Variants in ZNF335 observed in about 807,000 individuals in gnomAD.
The protein encoded by ZNF335 is NRC-interacting factor 1.
ZNF335 carries 84 observed loss-of-function variants against 145.6 expected under a neutral mutation model. The ratio of observed to expected loss-of-function variants is 0.58; its 90% confidence interval spans 0.48 to 0.69. The LOEUF (loss-of-function observed/expected upper bound fraction) is 0.69. Among genes scored for constraint, ZNF335 ranks in the 30% least tolerant of loss-of-function variants. The pLI, the probability that ZNF335 is intolerant of heterozygous loss-of-function variation, is 0.00. For missense variants in ZNF335, 1,865 were observed against 1,809.7 expected (o/e 1.03, Z -0.55); for synonymous variants, 761 against 717.0 (o/e 1.06, Z -0.98).
chr20:45,957,794 GTCCTACCCTCCATGAGC>G, intron 16 of ZNF335, 24 bp downstream of exon 16: 1 of 1,610,274 alleles, frequency 6.2e-7, no homozygotes, highest in East Asian at 2.2e-5. Flanking sequence ...CAACTCAGAG[GTCCTACCCTCCATGAGC>G]TCCTATCCTC....
In ZNF335 at chr20:45,952,645, T is replaced by A; in HGVS notation, c.2767A>T (p.Thr923Ser). 3 of 1,613,812 alleles carry A rather than the reference T, an allele frequency of 1.9e-6. No homozygotes were observed. Among genetic ancestry groups the A allele is most frequent in the East Asian group, 2.2e-5 (1 of 44,844 alleles). Reference protein sequence around the residue: ...VVSDTLKEAGTHYIMATDGTQ... With the variant: ...VVSDTLKEAGSHYIMATDGTQ... ...CCATCAGTAGCCATGATGTAGTGGGTGCCAGCTTCTTTTAGGGTGTCACTC... is the reference window on the plus strand; with the variant it reads ...CCATCAGTAGCCATGATGTAGTGGGAGCCAGCTTCTTTTAGGGTGTCACTC... Residue 923 changes from threonine (T) to serine (S), a missense_variant, in exon 19 of 28, where the codon ACC becomes TCC. Physicochemically the swap from Thr to Ser is moderately conservative, Grantham distance 58. Coordinates refer to ENST00000322927, the MANE Select transcript of ZNF335 (RefSeq NM_022095.4).
rs138395446 is a variant in ZNF335, at chr20:45,961,041, C to T, written c.1647-159G>A. ...CCCAGCTGGAGTTCACTGGGGAAAACGCTAAGGGGCACGCTGTAAATAACA... is the reference window on the plus strand; with the variant it reads ...CCCAGCTGGAGTTCACTGGGGAAAATGCTAAGGGGCACGCTGTAAATAACA... On this transcript the variant is annotated intron_variant, in intron 10 of 27. Coordinates refer to ENST00000322927, the MANE Select transcript of ZNF335 (RefSeq NM_022095.4). 4.1e-3 allele frequency among the ~76,000 whole-genome samples: 631 copies of T among 152,264 alleles called. 7 individuals carry two copies. Among genetic ancestry groups the T allele is most frequent in the African/African-American group, 0.014 (585 of 41,530 alleles).
intron 9 of ZNF335, among the ~76,000 whole-genome samples, 163 bp from the exon 10 acceptor site, chr20:45,962,345 G>T (rs2083859332): frequency 6.6e-6 from 1 of 152,232 alleles, no homozygotes. Context: ...ACCTAGGAAG[G>T]CCCGGGGACT....
chr20:45,959,642 C>T (rs951316453), intron 14 of ZNF335, among the ~76,000 whole-genome samples: 12 of 152,154 alleles, frequency 7.9e-5, no homozygotes, highest in Non-Finnish European at 1.6e-4. Flanking sequence ...CCTTCCTGTG[C>T]CTACCTATTT....
Position 45,967,907 on chromosome 20 carries a change from C to A in ZNF335, c.641G>T (p.Ser214Ile), listed in dbSNP as rs1482803843. 1 of 1,612,398 alleles carries A rather than the reference C, an allele frequency of 6.2e-7. No homozygotes were observed. The highest frequency in any genetic ancestry group is 8.5e-7 in the Non-Finnish European group (1 of 1,179,630). ...STCLEAQGGP[S>I]SPVQLPPASG... ...GGCTGGGGGCAGCTGCACCGGGGAG[C>A]TGGGCCCACCCTGTGCCTCCAGGCA... The change falls in exon 5 of 28, where the codon AGC becomes ATC. Residue 214 changes from serine (S) to isoleucine (I), a missense_variant. Coordinates refer to ENST00000322927, the MANE Select transcript of ZNF335 (RefSeq NM_022095.4).
In ZNF335 at chr20:45,956,306, G is replaced by A. The variant is rs370323081; in HGVS notation, c.2442+1280C>T. On this transcript the variant is annotated intron_variant, in intron 17 of 27. Transcript: ENST00000322927. ...TGCAATGGCGCAATCTCGGCTCACC[G>A]TAACCTCCGCCTCCTGGGTTCAAGC... Among the ~76,000 whole-genome samples, 117 of 151,252 alleles carry A rather than the reference G, an allele frequency of 7.7e-4. 6 individuals carry two copies. In the South Asian group the frequency reaches 0.014, roughly 18 times the overall value.
At position 45,952,485 on chromosome 20, in the gene ZNF335, C is replaced by T. The variant is rs770723214; in HGVS notation, c.2851G>A (p.Asp951Asn). The change falls in exon 20 of 28, where the codon GAT (aspartate) becomes AAT (asparagine). Residue 951 changes from aspartate (D) to asparagine (N), a missense_variant. By Grantham distance (23) the Asp-to-Asn change is conservative. Transcript: ENST00000322927. ...CATTTGGCACCAGAGGCCAGAGCAT[C>T]TGGACTTGGGAAGGAGATGGAGCCA... ...ADGSISFPSP[D>N]ALASGAKWPL... is the part of the protein sequence containing the mutation. The T allele has an allele frequency of 1.3e-6, 2 of 1,567,048 alleles. No homozygotes were observed. Among genetic ancestry groups the T allele is most frequent in the Non-Finnish European group, 1.7e-6 (2 of 1,152,526 alleles).
chr20:45,952,050 A>C (rs2083642534), intron 20 of ZNF335, 97 bp downstream of exon 20: 1 of 1,467,106 alleles, frequency 6.8e-7, no homozygotes, highest in Non-Finnish European at 9.1e-7. Flanking sequence ...AGAGGAGAGC[A>C]GAGGATCTGG....
At chr20:45,949,669 G>C (rs2083591627) in intron 24 of ZNF335, 101 bp from the exon 25 acceptor site, 1 of 1,434,688 alleles carries the variant, frequency 7.0e-7, no homozygotes, top group Non-Finnish European at 9.6e-7. Flanking sequence ...ACAGCCACCA[G>C]CAACAATGCA....
intron 8 of ZNF335, 21 bp from the exon 9 acceptor site, chr20:45,963,671 G>A (rs760984786): frequency 3.2e-5 from 52 of 1,613,668 alleles, no homozygotes; most frequent in East Asian, 2.5e-4. Context: ...AGAGTGTGGC[G>A]GAAAGGTCTG....
Position 45,957,686 on chromosome 20 carries a change from T to A in ZNF335, c.2348-6A>T. On this transcript the variant is annotated splice_region_variant and splice_polypyrimidine_tract_variant and intron_variant, in intron 16 of 27. Coordinates refer to ENST00000322927, the MANE Select transcript of ZNF335 (RefSeq NM_022095.4). ...CGCTGTCGACTCCTCAGCTCCTGGGTGGGGTGGGACCTAAGCCTGACAAAG... is the reference window on the plus strand; with the variant it reads ...CGCTGTCGACTCCTCAGCTCCTGGGAGGGGTGGGACCTAAGCCTGACAAAG... The A allele has an allele frequency of 6.2e-7, 1 of 1,613,962 alleles. No individual in the cohort carries two copies. The highest frequency in any genetic ancestry group is 8.5e-7 in the Non-Finnish European group (1 of 1,179,936).
intron 10 of ZNF335, chr20:45,961,830 G>A (rs1027342410): frequency 3.5e-5 from 16 of 458,690 alleles, no homozygotes; most frequent in Non-Finnish European, 6.3e-5. Context: ...CCCGTTTGAT[G>A]AGAAACTAAA....
intron 13 of ZNF335, 31 bp downstream of exon 13, chr20:45,960,418 C>G (rs1433020094): frequency 6.2e-7 from 1 of 1,613,982 alleles, no homozygotes; most frequent in South Asian, 1.1e-5. Context: ...GGGGACTGCT[C>G]CCGTCCCCAG....
intron 17 of ZNF335, among the ~76,000 whole-genome samples, chr20:45,956,201 A>ATTCTCC (rs2083725072): frequency 6.6e-6 from 1 of 152,076 alleles, no homozygotes; most frequent in African/African-American, 2.4e-5. Flanking sequence ...CCTTCTACTG[A>ATTCTCC]AACATTTCCT....
Position 45,952,213 on chromosome 20 carries a change from G to A in ZNF335, c.3123C>T (p.His1041=), listed in dbSNP as rs755244107. 1.6e-4 allele frequency: 257 copies of A among 1,612,892 alleles called. No individual in the cohort carries two copies. The highest frequency in any genetic ancestry group is 1.8e-4 in the Non-Finnish European group (211 of 1,179,948). The part of the protein sequence containing the change: ...RAEMESHKRA[H]AGPGAFKCPD... ...GGCACTTGAAGGCACCAGGCCCAGC[G>A]TGGGCCCGCTTGTGACTCTCCATCT... is the stretch of plus-strand genomic sequence containing the variant. The change falls in exon 20 of 28, where the codon CAC becomes CAT. Residue 1041 remains histidine, a synonymous_variant. Transcript: ENST00000322927.
At chr20:45,971,666 G>A in intron 1 of ZNF335, 6 of 985,498 alleles carry the variant, frequency 6.1e-6, no homozygotes, top group Non-Finnish European at 7.2e-6. Context: ...CCCTTCCCGG[G>A]AGGGTGGTCA....
chr20:45,950,927 G>C (rs2083619918), intron 20 of ZNF335, among the ~76,000 whole-genome samples: 1 of 151,510 alleles, frequency 6.6e-6, no homozygotes, highest in Non-Finnish European at 1.5e-5. Flanking sequence ...TTTTGCTCTT[G>C]TTGCCCAGAG....
Position 45,963,945 on chromosome 20 carries a change from G to A in ZNF335, c.1148C>T (p.Pro383Leu). ...AGCCTCGGGATCCTGTGGCTCTGGA[G>A]GGCTCTGTCCACTCTGGGAACTCAC... ...PLVSSQSGQS[P>L]PEPQDPEAPS... The change falls in exon 8 of 28, where the codon CCT becomes CTT. Residue 383 changes from proline (P) to leucine (L), a missense_variant. Pro to Leu is a moderately conservative substitution (Grantham distance 98). Transcript: ENST00000322927. 3.2e-6 allele frequency: 5 copies of A among 1,553,580 alleles called. No homozygotes were observed. Among genetic ancestry groups the A allele is most frequent in the Non-Finnish European group, 4.3e-6 (5 of 1,150,544 alleles).
intron 20 of ZNF335, among the ~76,000 whole-genome samples, chr20:45,951,381 A>G (rs2083628460): frequency 1.3e-5 from 2 of 152,058 alleles, no homozygotes; most frequent in African/African-American, 4.8e-5. Context: ...GAACTGGCCC[A>G]CTCACCTTCT....
Sources: allele counts gnomAD v4.1 joint callset (sites outside exome capture counted in the v4.1 genomes callset), GRCh38; gene constraint gnomAD v4.1.1; transcripts MANE v1.5; gene names NCBI Gene and HGNC (gene_info 2026-07-23, HGNC 2026-07-21).